SLC39A10: variants seen among roughly 807,000 people sequenced by gnomAD.
The protein encoded by SLC39A10 is zinc transporter ZIP10.
In SLC39A10, 13 loss-of-function variants were observed where a neutral mutation model predicts 65.1. The observed-to-expected ratio is 0.20, with a 90% CI of 0.13 to 0.32. The LOEUF is 0.32. Ranked by LOEUF, SLC39A10 falls within the 10% of genes least tolerant of loss-of-function variation. SLC39A10 has a pLI of 1.00. For synonymous variants in SLC39A10, 321 were observed against 342.2 expected (o/e 0.94, Z 0.68); for missense variants, 831 against 1,018.4 (o/e 0.82, Z 2.50).
intron 6 of SLC39A10, among the ~76,000 whole-genome samples, chr2:195,713,778 A>G (rs1691682765): frequency 6.6e-6 from 1 of 152,202 alleles, no homozygotes; most frequent in African/African-American, 2.4e-5. Context: ...AGGAGAAACA[A>G]CAGTTTAAAG....
rs541759013 is a variant in SLC39A10, at chr2:195,707,374, C to T, written c.1386+589C>T. 8.5e-5 allele frequency among the ~76,000 whole-genome samples: 13 copies of T among 152,228 alleles called. No homozygotes were observed. In the South Asian group the frequency reaches 1.2e-3, roughly 15 times the overall value. On this transcript the variant is annotated intron_variant, in intron 4 of 9. Coordinates refer to ENST00000359634, the MANE Select transcript of SLC39A10 (RefSeq NM_020342.3). The stretch of plus-strand genomic sequence containing the variant: ...TAGTTAGGTAGATAGCTGTCTATCA[C>T]CAGCTAAGAGTATTTAATTCACTCT...
chr2:195,717,671 C>T (rs1182992298), intron 7 of SLC39A10, among the ~76,000 whole-genome samples: 1 of 152,068 alleles, frequency 6.6e-6, no homozygotes, highest in African/African-American at 2.4e-5. Flanking sequence ...CCTTCTGCCT[C>T]AGCCTCCCAA....
intron 2 of SLC39A10, among the ~76,000 whole-genome samples, chr2:195,640,373 G>C (rs543236922): frequency 1.7e-4 from 25 of 150,980 alleles, no homozygotes; most frequent in African/African-American, 5.8e-4. Flanking sequence ...AAATCCCAGA[G>C]TGATCAAATT....
At chr2:195,676,236 C>T (rs1029103482) in intron 1 of SLC39A10, among the ~76,000 whole-genome samples, 3 of 151,910 alleles carry the variant, frequency 2.0e-5, no homozygotes, top group African/African-American at 7.3e-5. Flanking sequence ...GGCTGGCAGG[C>T]TGAAGTGTGG....
At chr2:195,663,880 G>A (rs2105736535) in intron 1 of SLC39A10, among the ~76,000 whole-genome samples, 1 of 151,190 alleles carries the variant, frequency 6.6e-6, no homozygotes, top group South Asian at 2.1e-4. Context: ...CTGAAGTTTG[G>A]GGCATGAATG....
chr2:195,679,242 G>A (rs1448130033), intron 1 of SLC39A10, among the ~76,000 whole-genome samples: 9 of 76,864 alleles, frequency 1.2e-4, no homozygotes, highest in Non-Finnish European at 2.9e-4. Context: ...ATTGATTTTT[G>A]TAATGATGTG....
At chr2:195,657,652 C>A (rs892702945) in intron 1 of SLC39A10, 1 of 984,028 alleles carries the variant, frequency 1.0e-6, no homozygotes. Flanking sequence ...GGGGGAGTGA[C>A]CGCTGGGCGG....
chr2:195,735,302 CTT>C lies in SLC39A10; in HGVS notation c.*264_*265del, dbSNP rs921029325. On this transcript the variant is annotated 3_prime_UTR_variant, in exon 10 of 10. Coordinates refer to ENST00000359634, the MANE Select transcript of SLC39A10 (RefSeq NM_020342.3). ...CCAGTGTTGATATGTTTGATTAAGA[CTT>C]TTCACAAAATAATCATATAAAACAC... is the stretch of plus-strand genomic sequence containing the variant. 15 of 278,098 alleles carry C rather than the reference CTT, an allele frequency of 5.4e-5. No individual in the cohort carries two copies. Among genetic ancestry groups the C allele is most frequent in the African/African-American group, 2.2e-4 (10 of 45,872 alleles). The allele number at this position is 278,098 out of a possible 1,614,324, so 17.2% of individuals were successfully genotyped here.
chr2:195,632,772 A>ATCAG (rs891771827), intron 2 of SLC39A10, among the ~76,000 whole-genome samples: 2 of 151,540 alleles, frequency 1.3e-5, no homozygotes, highest in South Asian at 2.1e-4. Flanking sequence ...CTCTAAAATA[A>ATCAG]TTCTGATGTG....
intron 2 of SLC39A10, among the ~76,000 whole-genome samples, chr2:195,682,785 G>T (rs1690375091): frequency 6.6e-6 from 1 of 151,558 alleles, no homozygotes; most frequent in South Asian, 2.1e-4. Context: ...TAATAGAGTA[G>T]TACCTTATGG....
At chr2:195,674,741 T>G (rs1303804024) in intron 1 of SLC39A10, 2 of 759,930 alleles carry the variant, frequency 2.6e-6, no homozygotes, top group African/African-American at 3.8e-5. Flanking sequence ...TAGAGTATAC[T>G]TAGACAAACC....
At chr2:195,678,289 G>A (rs1690171280) in intron 1 of SLC39A10, among the ~76,000 whole-genome samples, 1 of 152,100 alleles carries the variant, frequency 6.6e-6, no homozygotes, top group Non-Finnish European at 1.5e-5. Flanking sequence ...GATATTGGCA[G>A]TATTTTATAT....
intron 3 of SLC39A10, among the ~76,000 whole-genome samples, chr2:195,702,465 A>C (rs1691228924): frequency 6.6e-6 from 1 of 152,204 alleles, no homozygotes; most frequent in Non-Finnish European, 1.5e-5. Context: ...TAGAAGTTGC[A>C]AGCCTTCAAT....
intron 7 of SLC39A10, 72 bp downstream of exon 7, chr2:195,717,077 G>A (rs773158998): frequency 4.6e-6 from 7 of 1,531,582 alleles, no homozygotes; most frequent in East Asian, 4.5e-5. Context: ...TTTGGCTGGA[G>A]CTTAACAAAT....
intron 2 of SLC39A10, among the ~76,000 whole-genome samples, chr2:195,635,000 A>T (rs1338884113): frequency 2.0e-5 from 3 of 152,186 alleles, no homozygotes; most frequent in Non-Finnish European, 4.4e-5. Flanking sequence ...GTGAGCTGAG[A>T]TCGCACCACT....
At chr2:195,668,302 A>G (rs559655882) in intron 1 of SLC39A10, among the ~76,000 whole-genome samples, 4 of 152,382 alleles carry the variant, frequency 2.6e-5, no homozygotes, top group African/African-American at 7.2e-5. Flanking sequence ...GTAGTCCTGT[A>G]ATGAAACTTT....
At chr2:195,652,204 G>C (rs1395632892), upstream of SLC39A10, among the ~76,000 whole-genome samples, 1 of 152,128 alleles carries the variant, frequency 6.6e-6, no homozygotes. Context: ...GGGAGTGTCT[G>C]GGTTAAGATA....
chr2:195,704,963 A>G (rs909769475), intron 3 of SLC39A10, among the ~76,000 whole-genome samples: 7 of 151,898 alleles, frequency 4.6e-5, no homozygotes, highest in African/African-American at 1.7e-4. Context: ...GCGCTTGGCT[A>G]ATTTTTGTAT....
chr2:195,687,049 GT>G (rs1162480958), intron 3 of SLC39A10, among the ~76,000 whole-genome samples: 1 of 152,174 alleles, frequency 6.6e-6, no homozygotes, highest in Non-Finnish European at 1.5e-5. Context: ...AGGAGAGAAA[GT>G]GGGGCTTTGA....
Sources: gnomAD v4.1 joint callset for allele counts (sites outside exome capture counted in the v4.1 genomes callset) on GRCh38, gnomAD v4.1.1 for gene constraint, MANE v1.5 for transcripts, NCBI Gene and HGNC (gene_info 2026-07-23, HGNC 2026-07-21) for gene names.